PLCE1: variants seen among roughly 807,000 people sequenced by gnomAD.
The protein encoded by PLCE1 is 1-phosphatidylinositol 4,5-bisphosphate phosphodiesterase epsilon-1.
In PLCE1, 119 loss-of-function variants were observed where a neutral mutation model predicts 242.8. The observed-to-expected ratio is 0.49, with a 90% CI of 0.42 to 0.57. PLCE1 has a LOEUF of 0.57. Among genes scored for constraint, PLCE1 ranks in the 20% least tolerant of loss-of-function variants. The probability of loss-of-function intolerance (pLI) is 0.00; values close to 1 mark genes in which losing one functional copy is unlikely to be tolerated. For missense variants in PLCE1, 2,441 were observed against 2,788.8 expected (o/e 0.88, Z 2.81); for synonymous variants, 945 against 1,017.4 (o/e 0.93, Z 1.35).
intron 2 of PLCE1, among the ~76,000 whole-genome samples, chr10:94,118,946 G>C (rs940023771): frequency 6.6e-6 from 1 of 152,084 alleles, no homozygotes; most frequent in Admixed American, 6.6e-5. Context: ...CTCCTTGAAG[G>C]CTTACCTTTC....
intron 5 of PLCE1, among the ~76,000 whole-genome samples, chr10:94,229,492 G>A (rs532341252): frequency 6.6e-6 from 1 of 152,276 alleles, no homozygotes; most frequent in South Asian, 2.1e-4. Flanking sequence ...ATATTGTACT[G>A]ATCACATAGG....
chr10:94,272,600 T>G (rs1194741124), intron 18 of PLCE1, among the ~76,000 whole-genome samples: 3 of 152,116 alleles, frequency 2.0e-5, no homozygotes, highest in Non-Finnish European at 2.9e-5. Context: ...CATAAGAAAT[T>G]AAAAAGTATG....
At chr10:94,055,024 A>AG (rs2043865435) in intron 2 of PLCE1, among the ~76,000 whole-genome samples, 4 of 151,432 alleles carry the variant, frequency 2.6e-5, no homozygotes, top group Admixed American at 1.3e-4. Context: ...AAAAAAAAAA[A>AG]AAAAGAAAAA....
At chr10:94,088,817 TC>T (rs1287977113) in intron 2 of PLCE1, among the ~76,000 whole-genome samples, 1 of 152,214 alleles carries the variant, frequency 6.6e-6, no homozygotes, top group African/African-American at 2.4e-5. Flanking sequence ...GTTCTGAATT[TC>T]TATTTGGAAA....
At chr10:94,190,968 G>T (rs1174319407) in intron 4 of PLCE1, among the ~76,000 whole-genome samples, 1 of 152,132 alleles carries the variant, frequency 6.6e-6, no homozygotes, top group Non-Finnish European at 1.5e-5. Context: ...ATCAAGCTTT[G>T]GTAACACCCC....
chr10:94,254,436 A>G (rs1411095842), intron 10 of PLCE1, 129 bp downstream of exon 10: 2 of 737,760 alleles, frequency 2.7e-6, no homozygotes, highest in Non-Finnish European at 4.9e-6. Context: ...TCCTAACCAG[A>G]CAATGAAACC....
intron 2 of PLCE1, among the ~76,000 whole-genome samples, chr10:94,106,912 T>TTCTCTTTCTCTCTCTCTC (rs1392359262): frequency 0.015 from 574 of 38,810 alleles, 36 homozygotes; most frequent in Middle Eastern, 0.062. Flanking sequence ...TGTCTCTTGT[T>TTCTCTTTCTCTCTCTCTC]TCTCTCTCTC....
chr10:94,285,391 A>G (rs376549114), intron 22 of PLCE1, among the ~76,000 whole-genome samples: 1 of 152,188 alleles, frequency 6.6e-6, no homozygotes, highest in African/African-American at 2.4e-5. Flanking sequence ...TTCAGAGTAT[A>G]TCAGTCAAGA....
chr10:94,255,934 T>A (rs1303347450), intron 11 of PLCE1, among the ~76,000 whole-genome samples: 582 of 148,532 alleles, frequency 3.9e-3, no homozygotes, highest in African/African-American at 0.013. Context: ...TCTCTCTCTC[T>A]CTCTCTCTCT....
At chr10:94,033,542 T>C (rs1030607003) in intron 2 of PLCE1, among the ~76,000 whole-genome samples, 2 of 152,178 alleles carry the variant, frequency 1.3e-5, no homozygotes, top group Admixed American at 6.6e-5. Flanking sequence ...AAGGAAATGC[T>C]AAATTTCCTT....
chr10:94,021,437 G>C (rs2061375714), intron 1 of PLCE1, among the ~76,000 whole-genome samples: 1 of 150,944 alleles, frequency 6.6e-6, no homozygotes, highest in Admixed American at 6.6e-5. Flanking sequence ...TAATATTTGT[G>C]CATGGTATGA....
At chr10:94,188,035 C>T (rs1459070955) in intron 4 of PLCE1, among the ~76,000 whole-genome samples, 1 of 152,064 alleles carries the variant, frequency 6.6e-6, no homozygotes, top group Non-Finnish European at 1.5e-5. Context: ...CTCACAGCTA[C>T]CATGAGGTCC....
At chr10:94,040,128 A>T (rs550360575) in intron 2 of PLCE1, among the ~76,000 whole-genome samples, 5 of 152,000 alleles carry the variant, frequency 3.3e-5, no homozygotes, top group Admixed American at 6.6e-5. Flanking sequence ...ATGATTAAAA[A>T]TTTTTTTTGT....
chr10:94,055,389 C>T (rs1022324407), intron 2 of PLCE1, among the ~76,000 whole-genome samples: 28 of 151,728 alleles, frequency 1.8e-4, no homozygotes, highest in Non-Finnish European at 5.9e-5. Flanking sequence ...CCACTCACTG[C>T]AACCTCCACC....
intron 27 of PLCE1, among the ~76,000 whole-genome samples, chr10:94,312,461 C>A (rs1013996203): frequency 6.6e-6 from 1 of 152,210 alleles, no homozygotes; most frequent in Non-Finnish European, 1.5e-5. Flanking sequence ...AGTCTTCATA[C>A]ACATGTTACG....
rs1002696684 is a variant in PLCE1 at position 94,298,624 on chromosome 10, T to C, written c.5413T>C (p.Trp1805Arg). Residue 1805 changes from tryptophan (W) to arginine (R), a missense_variant, in exon 24 of 33, where the codon TGG becomes CGG. By Grantham distance (101) the Trp-to-Arg change is moderately radical. Transcript: ENST00000371380. The surrounding 1 kb of genome is among the most constrained non-coding windows in gnomAD (Gnocchi z 5.2). The part of the protein sequence containing the change: ...DSSNPNPLMF[W>R]LHGIQLVALN... ...TTCCAACCCGAACCCCCTCATGTTCTGGCTCCATGGGATACAGCTTGTGGC... is the reference window on the plus strand; with the variant it reads ...TTCCAACCCGAACCCCCTCATGTTCCGGCTCCATGGGATACAGCTTGTGGC... 6.2e-7 allele frequency: 1 copy of C among 1,614,074 alleles called. No homozygotes were observed. The highest frequency in any genetic ancestry group is 1.3e-5 in the African/African-American group (1 of 74,932).
At chr10:94,178,883 C>T (rs911901680) in intron 4 of PLCE1, among the ~76,000 whole-genome samples, 6 of 152,122 alleles carry the variant, frequency 3.9e-5, no homozygotes, top group African/African-American at 1.4e-4. Context: ...TATATTGAAC[C>T]ATGTTTAGAA....
intron 16 of PLCE1, among the ~76,000 whole-genome samples, chr10:94,267,205 CAT>C (rs767510958): frequency 6.6e-6 from 1 of 152,154 alleles, no homozygotes; most frequent in Non-Finnish European, 1.5e-5. Flanking sequence ...TGTGTAAGTG[CAT>C]ATATACATAT....
chr10:94,117,194 A>G (rs1425198232), intron 2 of PLCE1, among the ~76,000 whole-genome samples: 4 of 152,186 alleles, frequency 2.6e-5, no homozygotes, highest in African/African-American at 9.7e-5. Flanking sequence ...GAAGATCTTG[A>G]GAAGAGTGTG....
Sources: allele counts gnomAD v4.1 joint callset (sites outside exome capture counted in the v4.1 genomes callset), GRCh38; gene constraint gnomAD v4.1.1; non-coding constraint Gnocchi (gnomAD v3.1); transcripts MANE v1.5; gene names NCBI Gene and HGNC (gene_info 2026-07-23, HGNC 2026-07-21).